The following HMGN5 variants were observed in gnomAD, a reference collection of about 807,000 sequenced individuals.
HMGN5 encodes high mobility group nucleosome binding domain 5, also known as high mobility group nucleosome-binding domain-containing protein 5.
HMGN5 carries 4 observed loss-of-function variants against 9.5 expected under a neutral mutation model. That is an observed-to-expected ratio of 0.42 (90% confidence interval 0.21 to 0.96). The LOEUF is 0.96. HMGN5 is among the 40% of genes least tolerant of loss of function. The probability of loss-of-function intolerance (pLI) is 0.30; values close to 1 mark genes in which losing one functional copy is unlikely to be tolerated. For synonymous variants in HMGN5, 55 were observed against 57.1 expected (o/e 0.96, Z 0.16); for missense variants, 192 against 187.5 (o/e 1.02, Z -0.14).
intron 1 of HMGN5, among the ~76,000 whole-genome samples, chrX:81,160,146 T>A (rs2075394445): frequency 9.0e-6 from 1 of 111,559 alleles, no homozygotes; most frequent in South Asian, 3.8e-4. Context: ...CAATCCCATA[T>A]CAACCTTGAT....
chrX:81,149,733 A>T (rs2075355665), intron 1 of HMGN5, among the ~76,000 whole-genome samples: 1 of 112,227 alleles, frequency 8.9e-6, no homozygotes, highest in Non-Finnish European at 1.9e-5. Flanking sequence ...ATGCCAATGG[A>T]AACTGAAAAA....
intron 1 of HMGN5, among the ~76,000 whole-genome samples, chrX:81,165,894 T>G (rs2075409852): frequency 9.0e-6 from 1 of 111,472 alleles, no homozygotes; most frequent in Non-Finnish European, 1.9e-5. Context: ...TCAGCTGCAG[T>G]TAATTGGTGA....
chrX:81,131,146 T>C (rs2075296846), intron 1 of HMGN5, among the ~76,000 whole-genome samples: 1 of 111,666 alleles, frequency 9.0e-6, no homozygotes, highest in Non-Finnish European at 1.9e-5. Context: ...AGAAAACAAA[T>C]ACATAACTAT....
At position 81,199,549 on chromosome X, in the gene HMGN5, G is replaced by T. The variant is rs1383791309; in HGVS notation, c.-124+2188C>A. ...AACAGATATATAGACCAATGGAACA[G>T]AACAGAGGTCTCAGAAATAACACCA... On this transcript the variant is annotated intron_variant, in intron 1 of 6. Coordinates refer to ENST00000358130, the MANE Select transcript of HMGN5 (RefSeq NM_030763.3). Among the ~76,000 whole-genome samples the T allele has an allele frequency of 5.4e-5, 6 of 111,694 alleles. No individual in the cohort carries two copies. The Admixed American group carries it at 5.7e-4, about 11-fold the overall frequency.
intron 1 of HMGN5, among the ~76,000 whole-genome samples, chrX:81,189,981 C>T (rs1040489274): frequency 1.5e-4 from 17 of 112,142 alleles, no homozygotes; most frequent in Admixed American, 1.4e-3. Context: ...TCATGACATA[C>T]GAAGCTGAGC....
At chrX:81,174,181 C>T (rs1278010601) in intron 1 of HMGN5, among the ~76,000 whole-genome samples, 2 of 111,070 alleles carry the variant, frequency 1.8e-5, no homozygotes, top group African/African-American at 6.5e-5. Context: ...AGACCTCACA[C>T]ATCATACAGT....
chrX:81,122,842 T>A (rs1455146451), intron 1 of HMGN5, among the ~76,000 whole-genome samples: 1 of 110,305 alleles, frequency 9.1e-6, no homozygotes. Flanking sequence ...GAGGTGGAGA[T>A]TGATGAATAA....
intron 1 of HMGN5, among the ~76,000 whole-genome samples, chrX:81,125,341 T>A (rs2075280109): frequency 9.0e-6 from 1 of 111,575 alleles, no homozygotes; most frequent in African/African-American, 3.3e-5. Context: ...TTTTAGATTT[T>A]TTTTGTTGGT....
intron 1 of HMGN5, among the ~76,000 whole-genome samples, chrX:81,191,218 A>G (rs2075493341): frequency 8.9e-6 from 1 of 111,868 alleles, no homozygotes; most frequent in Non-Finnish European, 1.9e-5. Flanking sequence ...ATTATTTACA[A>G]TTGGTTACAT....
intron 1 of HMGN5, among the ~76,000 whole-genome samples, chrX:81,167,938 G>A (rs1456905330): frequency 9.0e-6 from 1 of 111,632 alleles, no homozygotes; most frequent in Non-Finnish European, 1.9e-5. Context: ...TGAAACTTCT[G>A]CATACTGCAA....
chrX:81,115,878 A>G (rs1248884523), intron 6 of HMGN5, among the ~76,000 whole-genome samples: 1 of 111,931 alleles, frequency 8.9e-6, no homozygotes, highest in Non-Finnish European at 1.9e-5. Flanking sequence ...AAATTCTGGA[A>G]AAGGGATTTA....
At chrX:81,169,318 G>T (rs2075419002) in intron 1 of HMGN5, among the ~76,000 whole-genome samples, 1 of 111,614 alleles carries the variant, frequency 9.0e-6, no homozygotes, top group Admixed American at 9.6e-5. Flanking sequence ...TCTTGGAAGA[G>T]CCAATTCATG....
At chrX:81,138,606 T>C (rs1417381347) in intron 1 of HMGN5, among the ~76,000 whole-genome samples, 3 of 111,638 alleles carry the variant, frequency 2.7e-5, no homozygotes, top group Non-Finnish European at 3.8e-5. Context: ...CACCACTCTT[T>C]CTTAACACTG....
At chrX:81,197,079 G>A (rs1320432080) in intron 1 of HMGN5, among the ~76,000 whole-genome samples, 1 of 112,098 alleles carries the variant, frequency 8.9e-6, no homozygotes, top group Admixed American at 9.5e-5. Context: ...CCACTTCACA[G>A]TGTATCAAAC....
At chrX:81,178,519 G>A (rs1383083555) in intron 1 of HMGN5, among the ~76,000 whole-genome samples, 1 of 111,532 alleles carries the variant, frequency 9.0e-6, no homozygotes, top group Non-Finnish European at 1.9e-5. Flanking sequence ...GGAAGAATTT[G>A]AATCTCTGAA....
chrX:81,181,674 C>A (rs1420503526), intron 1 of HMGN5, among the ~76,000 whole-genome samples: 2 of 111,548 alleles, frequency 1.8e-5, no homozygotes, highest in Admixed American at 1.9e-4. Flanking sequence ...ATTTTTAACA[C>A]CCACAAATAA....
At chrX:81,116,379 A>G (rs1407727864) in intron 5 of HMGN5, 38 bp from the exon 6 acceptor site, 10 of 985,125 alleles carry the variant, frequency 1.0e-5, no homozygotes, top group Non-Finnish European at 1.4e-5. Flanking sequence ...TAAATATACA[A>G]TTTAACTGCT....
chrX:81,146,402 G>C (rs1325197876), intron 1 of HMGN5, among the ~76,000 whole-genome samples: 1 of 111,619 alleles, frequency 9.0e-6, no homozygotes, highest in African/African-American at 3.3e-5. Flanking sequence ...TGACTACTGG[G>C]TAAATAATGA....
chrX:81,163,286 T>C (rs2075402549), intron 1 of HMGN5, among the ~76,000 whole-genome samples: 1 of 112,255 alleles, frequency 8.9e-6, no homozygotes, highest in Non-Finnish European at 1.9e-5. Context: ...CCCTAGACAC[T>C]GTGGAGCACA....
Sources: gnomAD v4.1 joint callset for allele counts (sites outside exome capture counted in the v4.1 genomes callset) on GRCh38, gnomAD v4.1.1 for gene constraint, MANE v1.5 for transcripts, NCBI Gene and HGNC (gene_info 2026-07-23, HGNC 2026-07-21) for gene names.